FER: variants seen among roughly 807,000 people sequenced by gnomAD.
FER encodes FER tyrosine kinase.
FER carries 63 observed loss-of-function variants against 111.0 expected under a neutral mutation model. The ratio of observed to expected loss-of-function variants is 0.57; its 90% CI spans 0.46 to 0.70. The LOEUF (loss-of-function observed/expected upper bound fraction) is 0.70, where lower values mean the gene tolerates loss of function less well. FER is among the 30% of genes least tolerant of loss of function. The pLI, the probability that FER is intolerant of heterozygous loss-of-function variation, is 0.00. For synonymous variants in FER, 327 were observed against 313.9 expected (o/e 1.04, Z -0.44); for missense variants, 914 against 954.0 (o/e 0.96, Z 0.55).
In FER at chr5:109,190,725, T is replaced by A. The variant is rs928652101; in HGVS notation, c.*3150T>A. ...AGTGAGAGGTCTCCAGTGAAAGGTCTCATGTAATTGTTTCTCTTTTATCTC... is the reference window on the plus strand; with the variant it reads ...AGTGAGAGGTCTCCAGTGAAAGGTCACATGTAATTGTTTCTCTTTTATCTC... On this transcript the variant is annotated 3_prime_UTR_variant, in exon 20 of 20. Transcript: ENST00000281092. 6.6e-6 allele frequency: 1 copy of A among 152,192 alleles called. No individual in the cohort carries two copies. The highest frequency in any genetic ancestry group is 2.4e-5 in the African/African-American group (1 of 41,464). The allele number at this position is 152,192 out of a possible 1,614,324, so 9.4% of individuals were successfully genotyped here.
At chr5:109,165,146 A>C (rs1472725884) in intron 17 of FER, among the ~76,000 whole-genome samples, 1 of 152,198 alleles carries the variant, frequency 6.6e-6, no homozygotes, top group Non-Finnish European at 1.5e-5. Context: ...GTGCCTGGCA[A>C]ATAGTAAGTG....
At chr5:108,843,945 A>G (rs1172400933) in intron 5 of FER, among the ~76,000 whole-genome samples, 2 of 150,978 alleles carry the variant, frequency 1.3e-5, no homozygotes, top group African/African-American at 4.9e-5. Flanking sequence ...GGATTCAAAA[A>G]TTGCCAAAAT....
At chr5:108,927,268 T>TTTTTTTTTTTTTTTTTG (rs1753892028) in intron 10 of FER, among the ~76,000 whole-genome samples, 1 of 130,244 alleles carries the variant, frequency 7.7e-6, no homozygotes, top group Non-Finnish European at 1.6e-5. Flanking sequence ...TTTTTTTTTT[T>TTTTTTTTTTTTTTTTTG]TTTGAGACGG....
chr5:109,046,037 G>GT (rs1326635232), intron 15 of FER, among the ~76,000 whole-genome samples: 10 of 151,962 alleles, frequency 6.6e-5, no homozygotes, highest in South Asian at 2.1e-4. Flanking sequence ...CTGTGTTGAG[G>GT]TTTTTTTTCT....
intron 13 of FER, among the ~76,000 whole-genome samples, chr5:109,006,953 G>C (rs1765576495): frequency 1.3e-5 from 2 of 152,112 alleles, no homozygotes; most frequent in Admixed American, 6.5e-5. Flanking sequence ...TGCTTCAAAA[G>C]TTTACTTAAC....
At chr5:108,846,394 C>A (rs553901145) in intron 5 of FER, among the ~76,000 whole-genome samples, 1 of 151,812 alleles carries the variant, frequency 6.6e-6, no homozygotes, top group East Asian at 1.9e-4. Context: ...CCATTGTACT[C>A]CAGACTGGGT....
chr5:108,989,257 G>A (rs72790513), intron 13 of FER, among the ~76,000 whole-genome samples: 28,110 of 151,936 alleles, frequency 0.19, 2,801 homozygotes, highest in Non-Finnish European at 0.22. Context: ...GTCATTATGA[G>A]AAAACGATTA....
chr5:109,003,679 T>G (rs1444626931), intron 13 of FER, among the ~76,000 whole-genome samples: 1 of 151,704 alleles, frequency 6.6e-6, no homozygotes, highest in Non-Finnish European at 1.5e-5. Context: ...AATTTAAATT[T>G]AAAAAATTAA....
intron 10 of FER, among the ~76,000 whole-genome samples, chr5:108,940,783 A>C (rs951764017): frequency 6.6e-6 from 1 of 152,106 alleles, no homozygotes; most frequent in South Asian, 2.1e-4. Flanking sequence ...TCCTCAATAC[A>C]TCAGAATGGT....
chr5:108,883,363 G>T (rs1400010876), intron 8 of FER, 33 bp from the exon 9 acceptor site: 7 of 1,553,750 alleles, frequency 4.5e-6, no homozygotes, highest in Non-Finnish European at 6.1e-6. Flanking sequence ...AAATTAATTT[G>T]TTGGTTGTTA....
At chr5:108,965,210 G>A (rs1220931579) in intron 13 of FER, among the ~76,000 whole-genome samples, 1 of 152,006 alleles carries the variant, frequency 6.6e-6, no homozygotes, top group East Asian at 1.9e-4. Flanking sequence ...TCTCCATGTC[G>A]GTCTTGGATT....
At chr5:108,961,383 C>T (rs1759128041) in intron 13 of FER, among the ~76,000 whole-genome samples, 1 of 152,044 alleles carries the variant, frequency 6.6e-6, no homozygotes, top group Non-Finnish European at 1.5e-5. Flanking sequence ...TAAAGCTATA[C>T]CCCTTATAAT....
chr5:109,158,209 T>C (rs1755617153), intron 17 of FER, among the ~76,000 whole-genome samples: 1 of 151,760 alleles, frequency 6.6e-6, no homozygotes, highest in Non-Finnish European at 1.5e-5. Context: ...TGAAACCCCG[T>C]CTCTACAAAA....
chr5:109,049,006 T>G (rs1380602822), intron 16 of FER, among the ~76,000 whole-genome samples: 3 of 152,228 alleles, frequency 2.0e-5, no homozygotes, highest in Non-Finnish European at 4.4e-5. Context: ...TTATTTTTAT[T>G]ATTTGTTTTT....
At chr5:108,868,377 G>A (rs1658286883) in intron 6 of FER, among the ~76,000 whole-genome samples, 1 of 151,856 alleles carries the variant, frequency 6.6e-6, no homozygotes, top group Non-Finnish European at 1.5e-5. Context: ...GTTTATTGAA[G>A]TTTTACGTAT....
chr5:108,863,626 A>G (rs1160154892), intron 5 of FER, among the ~76,000 whole-genome samples: 2 of 152,146 alleles, frequency 1.3e-5, no homozygotes, highest in East Asian at 3.9e-4. Flanking sequence ...AAGTTAAAAA[A>G]TTGTGCCAAG....
intron 16 of FER, among the ~76,000 whole-genome samples, chr5:109,067,698 A>G (rs1775280655): frequency 6.6e-6 from 1 of 152,064 alleles, no homozygotes; most frequent in Admixed American, 6.5e-5. Context: ...TTGTACATCT[A>G]TGATTTCTTT....
intron 5 of FER, among the ~76,000 whole-genome samples, chr5:108,848,182 T>C (rs1446790234): frequency 6.6e-6 from 1 of 152,192 alleles, no homozygotes; most frequent in Non-Finnish European, 1.5e-5. Context: ...ATCTGACCTA[T>C]CTATATTCTT....
At chr5:108,753,051 A>G (rs959860875) in intron 1 of FER, among the ~76,000 whole-genome samples, 7 of 152,106 alleles carry the variant, frequency 4.6e-5, no homozygotes, top group African/African-American at 7.2e-5. Flanking sequence ...TTTCTCATCT[A>G]TTCAATAGGG....
Sources: gnomAD v4.1 joint callset for allele counts (sites outside exome capture counted in the v4.1 genomes callset) on GRCh38, gnomAD v4.1.1 for gene constraint, MANE v1.5 for transcripts, NCBI Gene and HGNC (gene_info 2026-07-23, HGNC 2026-07-21) for gene names.